The following INTS6 variants were observed in gnomAD, a reference collection of about 807,000 sequenced individuals.
INTS6 encodes the protein DEAD box protein.
Under a neutral mutation model 104.9 loss-of-function variants are expected in INTS6, and 16 were observed. That is an observed-to-expected ratio of 0.15 (90% CI 0.10 to 0.23). The LOEUF (loss-of-function observed/expected upper bound fraction) is 0.23, where lower values mean the gene tolerates loss of function less well. Ranked by LOEUF, INTS6 falls within the 10% of genes least tolerant of loss-of-function variation. INTS6 has a pLI of 1.00. For missense variants in INTS6, 584 were observed against 1,062.8 expected (o/e 0.55, Z 6.26); for synonymous variants, 324 against 358.7 (o/e 0.90, Z 1.09).
chr13:51,444,883 T>C (rs1952877396), intron 3 of INTS6: 1 of 151,640 alleles, frequency 6.6e-6, no homozygotes, highest in Non-Finnish European at 1.5e-5. Flanking sequence ...TGAAGAAATA[T>C]TTTGCAAATG....
chr13:51,412,689 C>G (rs1188589813), intron 4 of INTS6, among the ~76,000 whole-genome samples: 2 of 152,152 alleles, frequency 1.3e-5, no homozygotes, highest in African/African-American at 4.8e-5. Context: ...TAAGGGATAC[C>G]TGAAGTACTT....
At chr13:51,369,431 C>G in intron 15 of INTS6, 121 bp from the exon 16 acceptor site, 1 of 962,188 alleles carries the variant, frequency 1.0e-6, no homozygotes. Context: ...TGCAAGTTAA[C>G]AAATAATGTG....
Position 51,387,323 on chromosome 13 carries a change from T to C in INTS6, c.894+63A>G. On this transcript the variant is annotated intron_variant, in intron 7 of 17. Coordinates refer to ENST00000311234, the MANE Select transcript of INTS6 (RefSeq NM_012141.3). ...TAATCACAGCTTTGACAACAGAATTTGAAACTAATAGGAAAGACAGCTGAA... is the reference window on the plus strand; with the variant it reads ...TAATCACAGCTTTGACAACAGAATTCGAAACTAATAGGAAAGACAGCTGAA... 3 of 1,423,204 alleles carry C rather than the reference T, an allele frequency of 2.1e-6. No individual in the cohort carries two copies. The Admixed American group carries it at 6.6e-5, about 31-fold the overall frequency. 88.2% of individuals were successfully genotyped at this position (1,423,204 alleles called of 1,614,324 possible).
intron 15 of INTS6, among the ~76,000 whole-genome samples, chr13:51,372,130 T>C (rs1395964246): frequency 4.6e-5 from 7 of 152,218 alleles, no homozygotes. Context: ...TTTTCCCATC[T>C]TCCTTTTACA....
At position 51,361,814 on chromosome 13, in the gene INTS6, G is replaced by A; in HGVS notation, c.*3938C>T. The A allele has an allele frequency of 3.1e-6, 5 of 1,604,140 alleles. No individual in the cohort carries two copies. The highest frequency in any genetic ancestry group is 4.2e-6 in the Non-Finnish European group (5 of 1,176,706). On this transcript the variant is annotated 3_prime_UTR_variant, in exon 18 of 18. Transcript: ENST00000311234. Reference sequence around the variant, plus strand: ...ATTTTTCTTTCTTTCCTGCAGCTCTGTTGTTATTGAAAAGGTCTCGGATTC... The same window carrying A: ...ATTTTTCTTTCTTTCCTGCAGCTCTATTGTTATTGAAAAGGTCTCGGATTC...
intron 3 of INTS6, chr13:51,440,949 C>G (rs1164229259): frequency 1.3e-5 from 2 of 152,120 alleles, no homozygotes; most frequent in African/African-American, 4.8e-5. Flanking sequence ...GACTAAAAAG[C>G]TTTTATCCTG....
intron 3 of INTS6, chr13:51,355,240 G>A (rs912267359): frequency 1.4e-5 from 6 of 443,308 alleles, no homozygotes; most frequent in East Asian, 1.3e-4. Flanking sequence ...TCAACATTAT[G>A]TAAAAGAATA....
At position 51,383,807 on chromosome 13, in the gene INTS6, A is replaced by G. The variant is rs1356498218; in HGVS notation, c.895-66T>C. On this transcript the variant is annotated intron_variant, in intron 7 of 17. Transcript: ENST00000311234. ...TCAGAAACAAAACTAAATATTCCTC[A>G]TTATCAAAATTTACTCAGTTCCTCC... 18 of 1,358,634 alleles carry G rather than the reference A, an allele frequency of 1.3e-5. No individual in the cohort carries two copies. The East Asian group carries it at 4.3e-4, about 32-fold the overall frequency. 84.2% of individuals were successfully genotyped at this position (1,358,634 alleles called of 1,614,324 possible).
chr13:51,366,169 C>CTTT (rs1955684195), intron 17 of INTS6, among the ~76,000 whole-genome samples: 1 of 151,902 alleles, frequency 6.6e-6, no homozygotes, highest in Non-Finnish European at 1.5e-5. Flanking sequence ...GGGCTGCAAA[C>CTTT]ACTCTAGTGA....
intron 4 of INTS6, among the ~76,000 whole-genome samples, chr13:51,417,112 G>A (rs1357025718): frequency 6.6e-6 from 1 of 152,022 alleles, no homozygotes; most frequent in Admixed American, 6.6e-5. Context: ...TATATATTCT[G>A]GATATCATGC....
At chr13:51,416,339 C>T (rs1956786086) in intron 4 of INTS6, among the ~76,000 whole-genome samples, 1 of 152,182 alleles carries the variant, frequency 6.6e-6, no homozygotes, top group Admixed American at 6.5e-5. Context: ...CCACTGTCTA[C>T]TTTCAGAACA....
intron 4 of INTS6, among the ~76,000 whole-genome samples, chr13:51,414,054 G>C (rs955551630): frequency 2.0e-5 from 3 of 152,178 alleles, no homozygotes; most frequent in Non-Finnish European, 4.4e-5. Flanking sequence ...AGTTGATGGA[G>C]TCTCATTGCA....
Position 51,395,560 on chromosome 13 carries a change from C to A in INTS6, c.430-77G>T, listed in dbSNP as rs3825524. 8 of 1,270,236 alleles carry A rather than the reference C, an allele frequency of 6.3e-6. 1 individual carries two copies. The South Asian group carries it at 1.2e-4, about 19-fold the overall frequency. The allele number at this position is 1,270,236 out of a possible 1,614,324, so 78.7% of individuals were successfully genotyped here. A position where few individuals can be genotyped will look rare whatever the true frequency, so the allele number is the denominator to read the frequency against. On this transcript the variant is annotated intron_variant, in intron 4 of 17. Transcript: ENST00000311234. Reference sequence around the variant, plus strand: ...AAAAAGCCTACTTTAATTACACTTACGTTAGAACTGCATCAACTCTCCTAT... The same window carrying A: ...AAAAAGCCTACTTTAATTACACTTAAGTTAGAACTGCATCAACTCTCCTAT...
At chr13:51,366,097 G>A (rs986234932) in intron 17 of INTS6, among the ~76,000 whole-genome samples, 8 of 151,468 alleles carry the variant, frequency 5.3e-5, no homozygotes, top group South Asian at 2.1e-4. Flanking sequence ...TTCCACAACC[G>A]AAAAGAAAAA....
intron 3 of INTS6, chr13:51,445,727 G>A (rs1228954337): frequency 6.6e-6 from 1 of 152,146 alleles, no homozygotes; most frequent in Non-Finnish European, 1.5e-5. Context: ...CAATAAAGAT[G>A]GGGAAAAAAC....
At chr13:51,373,024 T>G (rs547858690) in intron 15 of INTS6, among the ~76,000 whole-genome samples, 2 of 152,282 alleles carry the variant, frequency 1.3e-5, no homozygotes, top group Admixed American at 1.3e-4. Context: ...AATCCTTCCG[T>G]ACCCCTTTTA....
At chr13:51,392,417 T>C (rs1056047004) in intron 5 of INTS6, among the ~76,000 whole-genome samples, 16 of 152,012 alleles carry the variant, frequency 1.1e-4, no homozygotes, top group African/African-American at 3.4e-4. Flanking sequence ...TCAAAAAATA[T>C]TTATTGTAGC....
intron 4 of INTS6, among the ~76,000 whole-genome samples, chr13:51,396,662 G>A (rs1204167798): frequency 1.3e-5 from 2 of 152,098 alleles, no homozygotes; most frequent in Non-Finnish European, 1.5e-5. Flanking sequence ...TCAAGCCTTC[G>A]GTTCTAACTA....
At chr13:51,359,278 CTG>C (rs1955525514), downstream of INTS6, among the ~76,000 whole-genome samples, 2 of 152,158 alleles carry the variant, frequency 1.3e-5, no homozygotes, top group South Asian at 4.1e-4. Flanking sequence ...TAATAGGAAT[CTG>C]TAATACAAGA....
Sources: gnomAD v4.1 joint callset for allele counts (sites outside exome capture counted in the v4.1 genomes callset) on GRCh38, gnomAD v4.1.1 for gene constraint, MANE v1.5 for transcripts, NCBI Gene and HGNC (gene_info 2026-07-23, HGNC 2026-07-21) for gene names.